Variants in TNRC18 observed in about 807,000 individuals in gnomAD.
The protein encoded by TNRC18 is trinucleotide repeat containing 18.
A neutral mutation model predicts 226.7 loss-of-function variants in TNRC18; 69 were observed. That is an observed-to-expected ratio of 0.30 (90% CI 0.25 to 0.37). The LOEUF is 0.37. Ranked by LOEUF, TNRC18 falls within the 10% of genes least tolerant of loss-of-function variation. The probability of loss-of-function intolerance (pLI) is 1.00; values close to 1 mark genes in which losing one functional copy is unlikely to be tolerated. For missense variants in TNRC18, 4,754 were observed against 4,256.6 expected (o/e 1.12, Z -3.25); for synonymous variants, 2,449 against 1,927.6 (o/e 1.27, Z -7.09).
At chr7:5,379,578 G>A (rs961019042) in intron 5 of TNRC18, among the ~76,000 whole-genome samples, 55 of 152,192 alleles carry the variant, frequency 3.6e-4, no homozygotes, top group Non-Finnish European at 5.1e-4. Flanking sequence ...AGAGGAGAGG[G>A]GACAGGGAGC....
Position 5,370,363 on chromosome 7 carries a change from G to A in TNRC18, c.4219+12C>T, listed in dbSNP as rs749047780. The A allele has an allele frequency of 2.3e-5, 35 of 1,536,530 alleles. No homozygotes were observed. Among genetic ancestry groups the A allele is most frequent in the African/African-American group, 1.1e-4 (8 of 72,824 alleles). On this transcript the variant is annotated intron_variant, in intron 11 of 29. Transcript: ENST00000430969. ...CACGAATCTGCAGAACTCAGAGGTC[G>A]CGCACTCTCACCTCCCATCTCTTGG...
Position 5,378,027 on chromosome 7 carries a change from G to A in TNRC18, c.2153-3C>T. On this transcript the variant is annotated splice_polypyrimidine_tract_variant and splice_region_variant and intron_variant, in intron 5 of 29. Transcript: ENST00000430969. ...GTCCTCATCTGCTCGGCCGTGCCCT[G>A]CAGGGGGCCAGGTGGAAGTGAGCCC... 2 of 1,607,850 alleles carry A rather than the reference G, an allele frequency of 1.2e-6. No individual in the cohort carries two copies. The highest frequency in any genetic ancestry group is 1.7e-6 in the Non-Finnish European group (2 of 1,178,946).
intron 5 of TNRC18, among the ~76,000 whole-genome samples, chr7:5,378,480 A>G (rs1245344017): frequency 1.3e-5 from 2 of 150,518 alleles, no homozygotes; most frequent in Admixed American, 1.3e-4. Flanking sequence ...GTGCAGTGGC[A>G]CGATCTCGGC....
chr7:5,361,816 A>G, intron 13 of TNRC18, 81 bp downstream of exon 13: 2 of 1,516,526 alleles, frequency 1.3e-6, no homozygotes, highest in East Asian at 2.5e-5. Flanking sequence ...GGGTCCACGC[A>G]CACCTCGACG....
At chr7:5,365,549 G>A (rs950389710) in intron 11 of TNRC18, among the ~76,000 whole-genome samples, 2 of 152,238 alleles carry the variant, frequency 1.3e-5, no homozygotes, top group African/African-American at 4.8e-5. Context: ...CAGGAAGGGT[G>A]CTCCAACCAC....
In TNRC18 at chr7:5,377,953, G is replaced by A. The variant is rs1445931484; in HGVS notation, c.2224C>T (p.Arg742Trp). The A allele has an allele frequency of 4.3e-6, 7 of 1,613,242 alleles. No individual in the cohort carries two copies. The highest frequency in any genetic ancestry group is 1.1e-5 in the South Asian group (1 of 91,018). Residue 742 changes from arginine (R) to tryptophan (W), a missense_variant, in exon 6 of 30, where the codon CGG becomes TGG. Coordinates refer to ENST00000430969, the MANE Select transcript of TNRC18 (RefSeq NM_001080495.3). The surrounding 1 kb of genome is among the most constrained non-coding windows in gnomAD (Gnocchi z 5.8). ...RHREERLLGA[R>W]LDRDQEKLLR... ...AGCTTCTCCTGATCCCGGTCCAGCC[G>A]TGCCCCGAGCAGCCGTTCCTCCCGG...
At chr7:5,413,905 T>C (rs1781995527) in intron 2 of TNRC18, among the ~76,000 whole-genome samples, 1 of 152,186 alleles carries the variant, frequency 6.6e-6, no homozygotes, top group Admixed American at 6.5e-5. Context: ...GTACAATGAA[T>C]GGTCCTATGA....
At chr7:5,409,009 T>A (rs1781667604) in intron 2 of TNRC18, among the ~76,000 whole-genome samples, 1 of 152,136 alleles carries the variant, frequency 6.6e-6, no homozygotes, top group African/African-American at 2.4e-5. Context: ...AGGAACAGCC[T>A]GGCTTCAACG....
intron 11 of TNRC18, among the ~76,000 whole-genome samples, chr7:5,364,458 AGAAAACACACAC>A: frequency 1.1e-5 from 1 of 87,638 alleles, no homozygotes; most frequent in South Asian, 3.9e-4. Flanking sequence ...CCTGTCTCAA[AGAAAACACACAC>A]ACACACACAC....
At chr7:5,360,764 C>G (rs958342970) in intron 14 of TNRC18, among the ~76,000 whole-genome samples, 4 of 152,202 alleles carry the variant, frequency 2.6e-5, no homozygotes, top group Non-Finnish European at 5.9e-5. Flanking sequence ...TCTCCATCCT[C>G]TCTTCGGTCA....
chr7:5,348,254 A>G (rs1388206950), intron 17 of TNRC18, among the ~76,000 whole-genome samples: 1 of 152,218 alleles, frequency 6.6e-6, no homozygotes, highest in Admixed American at 6.5e-5. Context: ...CAACATCCAA[A>G]GTGCCACCCA....
intron 1 of TNRC18, among the ~76,000 whole-genome samples, chr7:5,422,207 G>A (rs540954341): frequency 6.6e-6 from 1 of 152,090 alleles, no homozygotes; most frequent in Non-Finnish European, 1.5e-5. Flanking sequence ...ACAAGCTTTG[G>A]TTTCATTTTC....
intron 12 of TNRC18, 115 bp from the exon 13 acceptor site, chr7:5,362,148 C>G: frequency 7.8e-7 from 1 of 1,277,704 alleles, no homozygotes; most frequent in South Asian, 1.4e-5. Flanking sequence ...AGCTGGGGCT[C>G]GAGTCCCACC....
chr7:5,377,401 C>A lies in TNRC18; in HGVS notation c.2431G>T (p.Ala811Ser), dbSNP rs768840483. ...GGGTGTCCAGCGAGCCACATGGATG[C>A]GTTGCCCGAGCGGGGCAACCAGGGG... is the stretch of plus-strand genomic sequence containing the variant. ...THPWLPRSGN[A>S]SMWLAGHPYG... Residue 811 changes from alanine (A) to serine (S), a missense_variant, in exon 7 of 30, where the codon GCA becomes TCA. By Grantham distance (99) the Ala-to-Ser change is moderately conservative. Coordinates refer to ENST00000430969, the MANE Select transcript of TNRC18 (RefSeq NM_001080495.3). This position sits in a 1 kb window ranked among gnomAD's most constrained non-coding sequence, Gnocchi z 5.8. 1.5e-5 allele frequency: 24 copies of A among 1,565,028 alleles called. No individual in the cohort carries two copies. The highest frequency in any genetic ancestry group is 2.1e-5 in the Non-Finnish European group (24 of 1,154,728).
At chr7:5,355,490 G>A (rs1262387565) in intron 16 of TNRC18, among the ~76,000 whole-genome samples, 3 of 152,194 alleles carry the variant, frequency 2.0e-5, no homozygotes, top group African/African-American at 7.2e-5. Flanking sequence ...AGTAGTGTGC[G>A]CCTATGGTCC....
Position 5,307,707 on chromosome 7 carries a change from T to G in TNRC18, c.*399A>C. ...AAGCCCAGAGTGAGCGTCAGTTTGGTTCCTTAGAAGCGCCCCTCCCCACCG... is the reference window on the plus strand; with the variant it reads ...AAGCCCAGAGTGAGCGTCAGTTTGGGTCCTTAGAAGCGCCCCTCCCCACCG... On this transcript the variant is annotated 3_prime_UTR_variant, in exon 30 of 30. Transcript: ENST00000430969. 3.0e-6 allele frequency: 1 copy of G among 332,542 alleles called. No homozygotes were observed. Among genetic ancestry groups the G allele is most frequent in the Non-Finnish European group, 6.0e-6 (1 of 167,974 alleles). 20.6% of individuals were successfully genotyped at this position (332,542 alleles called of 1,614,324 possible).
rs920093147 is a variant in TNRC18, at chr7:5,312,143, G to C, written c.8388+360C>G. The stretch of plus-strand genomic sequence containing the variant: ...AGAGAGAGACTCAGTCTCAAAAAAA[G>C]AAAAAGGAAAAAATCCCAGAGGCCT... On this transcript the variant is annotated intron_variant, in intron 27 of 29. Coordinates refer to ENST00000430969, the MANE Select transcript of TNRC18 (RefSeq NM_001080495.3). The surrounding 1 kb of genome is among the most constrained non-coding windows in gnomAD (Gnocchi z 6.3). Among the ~76,000 whole-genome samples the C allele has an allele frequency of 1.3e-5, 2 of 152,090 alleles. No homozygotes were observed. The highest frequency in any genetic ancestry group is 2.9e-5 in the Non-Finnish European group (2 of 68,002).
chr7:5,347,398 G>A (rs1283449825), intron 17 of TNRC18, among the ~76,000 whole-genome samples: 19 of 146,450 alleles, frequency 1.3e-4, no homozygotes, highest in African/African-American at 4.3e-4. Context: ...GGGTTTCACC[G>A]TGTTAGCCAG....
chr7:5,370,662 T>G lies in TNRC18; in HGVS notation c.3932A>C (p.Gln1311Pro), dbSNP rs1425137477. ...GCTGCCGAGTACAGGCACGGCCTCT[T>G]GGGGCTCCAGGCTCGGGCACTGTCC... ...GEGQCPSLEP[Q>P]EAVPVLGSTC... Residue 1311 changes from glutamine to proline, a missense_variant, in exon 11 of 30, where the codon CAA becomes CCA. By Grantham distance (76) the Gln-to-Pro change is moderately conservative. Coordinates refer to ENST00000430969, the MANE Select transcript of TNRC18 (RefSeq NM_001080495.3). The G allele has an allele frequency of 6.2e-7, 1 of 1,612,708 alleles. No homozygotes were observed. Among genetic ancestry groups the G allele is most frequent in the East Asian group, 2.2e-5 (1 of 44,876 alleles).
Sources: allele counts gnomAD v4.1 joint callset (sites outside exome capture counted in the v4.1 genomes callset), GRCh38; gene constraint gnomAD v4.1.1; non-coding constraint Gnocchi (gnomAD v3.1); transcripts MANE v1.5; gene names NCBI Gene and HGNC (gene_info 2026-07-23, HGNC 2026-07-21).